ZSCAN20: variants seen among roughly 807,000 people sequenced by gnomAD.
The protein encoded by ZSCAN20 is zinc finger and SCAN domain-containing protein 20.
Under a neutral mutation model 97.1 loss-of-function variants are expected in ZSCAN20, and 39 were observed. That is an observed-to-expected ratio of 0.40 (90% CI 0.31 to 0.52). The LOEUF (loss-of-function observed/expected upper bound fraction) is 0.52. ZSCAN20 is among the 20% of genes least tolerant of loss of function. ZSCAN20 has a pLI of 0.49. For synonymous variants in ZSCAN20, 456 were observed against 467.3 expected (o/e 0.98, Z 0.31); for missense variants, 1,115 against 1,290.4 (o/e 0.86, Z 2.08).
intron 1 of ZSCAN20, among the ~76,000 whole-genome samples, chr1:33,477,073 C>T (rs1209223712): frequency 2.6e-5 from 4 of 152,020 alleles, no homozygotes; most frequent in Admixed American, 2.6e-4. Flanking sequence ...TAGGATAATA[C>T]CTATATTAGA....
At chr1:33,476,294 G>T (rs367544707) in intron 1 of ZSCAN20, among the ~76,000 whole-genome samples, 1 of 152,194 alleles carries the variant, frequency 6.6e-6, no homozygotes, top group East Asian at 1.9e-4. Context: ...TCCATACTTC[G>T]GTCTAACTTC....
In ZSCAN20 at chr1:33,491,130, G is replaced by A. The variant is rs759942102; in HGVS notation, c.872G>A (p.Ser291Asn). Residue 291 changes from serine to asparagine, a missense_variant, in exon 6 of 8, where the codon AGC becomes AAC. Coordinates refer to ENST00000684572, the MANE Select transcript of ZSCAN20 (RefSeq NM_001377376.1). This position sits in a 1 kb window ranked among gnomAD's most constrained non-coding sequence, Gnocchi z 4.3. The stretch of plus-strand genomic sequence containing the variant: ...GGGAAAAGGAGCACTGCAGATTACA[G>A]CCTGGATAATGAGCCAGCTCAGGCA... ...NSGKRSTADYSLDNEPAQALT... is the reference protein window; with the variant it reads ...NSGKRSTADYNLDNEPAQALT... 1 of 1,614,112 alleles carries A rather than the reference G, an allele frequency of 6.2e-7. No individual in the cohort carries two copies. The highest frequency in any genetic ancestry group is 8.5e-7 in the Non-Finnish European group (1 of 1,180,026).
rs1462046316 is a variant in ZSCAN20 at position 33,500,656 on chromosome 1, A to G, written c.*5180A>G. On this transcript the variant is annotated 3_prime_UTR_variant, in exon 8 of 8. Transcript: ENST00000684572. The stretch of plus-strand genomic sequence containing the variant: ...CTGCTATTACATGATACTTATTTCT[A>G]AAGTCACTTTTTTTTTTTTTTTTAC... 7.6e-6 allele frequency among the ~76,000 whole-genome samples: 1 copy of G among 131,186 alleles called. No homozygotes were observed. Among genetic ancestry groups the G allele is most frequent in the East Asian group, 2.0e-4 (1 of 4,910 alleles). 86.1% of individuals were successfully genotyped at this position (131,186 alleles called of 152,430 possible).
In ZSCAN20 at chr1:33,479,273, G is replaced by C. The variant is rs1652046717; in HGVS notation, c.-16G>C. On this transcript the variant is annotated 5_prime_UTR_variant, in exon 2 of 8. Coordinates refer to ENST00000684572, the MANE Select transcript of ZSCAN20 (RefSeq NM_001377376.1). ...ATGAGGTCAGCATAGCTGAAGTGAG[G>C]TGTCTGGGTTAGACAATGGCTATGG... is the stretch of plus-strand genomic sequence containing the variant. 1.9e-6 allele frequency: 3 copies of C among 1,579,436 alleles called. No homozygotes were observed. The highest frequency in any genetic ancestry group is 2.7e-5 in the African/African-American group (2 of 74,274).
At position 33,494,819 on chromosome 1, in the gene ZSCAN20, T is replaced by G; in HGVS notation, c.2475T>G (p.Ser825Arg). The change falls in exon 8 of 8, where the codon AGT becomes AGG. Residue 825 changes from serine to arginine, a missense_variant. Physicochemically the swap from Ser to Arg is moderately radical, Grantham distance 110. Transcript: ENST00000684572. ...TGGGAGGAAATCCTGACCAGTGTAG[T>G]GAGCCTGGGGGAAACTTTGCCCAAA... ...IHLGGNPDQC[S>R]EPGGNFAQSP... 3.1e-6 allele frequency: 5 copies of G among 1,614,150 alleles called. No individual in the cohort carries two copies. The highest frequency in any genetic ancestry group is 4.2e-6 in the Non-Finnish European group (5 of 1,180,032).
chr1:33,477,904 G>C (rs1230621197), intron 1 of ZSCAN20, among the ~76,000 whole-genome samples: 1 of 151,858 alleles, frequency 6.6e-6, no homozygotes, highest in Non-Finnish European at 1.5e-5. Context: ...CTTGTTTCAG[G>C]GTGCAGGGAA....
At chr1:33,476,676 C>T (rs1039027595) in intron 1 of ZSCAN20, among the ~76,000 whole-genome samples, 3 of 152,066 alleles carry the variant, frequency 2.0e-5, no homozygotes, top group Admixed American at 6.5e-5. Context: ...GAGAGGGTGA[C>T]AGAAATGTGT....
chr1:33,494,236 A>C lies in ZSCAN20; in HGVS notation c.1892A>C (p.Glu631Ala), dbSNP rs1418702491. 1.9e-6 allele frequency: 3 copies of C among 1,575,216 alleles called. No homozygotes were observed. The highest frequency in any genetic ancestry group is 2.6e-6 in the Non-Finnish European group (3 of 1,161,988). The change falls in exon 8 of 8, where the codon GAG (glutamate) becomes GCG (alanine). Residue 631 changes from glutamate to alanine, a missense_variant. Around this residue, in one of 3 missense-constraint regions of ZSCAN20, gnomAD observed 554 missense variants for 584.9 expected, o/e 0.95. Transcript: ENST00000684572. ...TTTTCAGGTTTTGAAATGAGGCATGAGGATGAAGACCAGATTTCAGAGCAG... is the reference window on the plus strand; with the variant it reads ...TTTTCAGGTTTTGAAATGAGGCATGCGGATGAAGACCAGATTTCAGAGCAG... ...APDMGFEMRH[E>A]DEDQISEQDI... is the part of the protein sequence containing the mutation.
At chr1:33,487,315 A>C (rs543660455) in intron 2 of ZSCAN20, among the ~76,000 whole-genome samples, 1 of 152,316 alleles carries the variant, frequency 6.6e-6, no homozygotes, top group African/African-American at 2.4e-5. Flanking sequence ...TGTTTCTATA[A>C]AGTATTGAGA....
At position 33,495,462 on chromosome 1, in the gene ZSCAN20, G is replaced by A. The variant is rs1652825507; in HGVS notation, c.3118G>A (p.Gly1040Arg). Reference sequence around the variant, plus strand: ...TGCTCACCGGAGAACCCATGCAGGAGGGAAGGCGTCGTAGGGGACAGTTTC... The same window carrying A: ...TGCTCACCGGAGAACCCATGCAGGAAGGAAGGCGTCGTAGGGGACAGTTTC... ...FSAHRRTHAG[G>R]KAS is the part of the protein sequence containing the mutation. Residue 1040 changes from glycine (G) to arginine (R), a missense_variant, in exon 8 of 8, where the codon GGG (glycine) becomes AGG (arginine). This residue lies in a region of ZSCAN20 where 554 missense variants were observed against 584.9 expected (regional missense o/e 0.95). Transcript: ENST00000684572. The A allele has an allele frequency of 6.5e-7, 1 of 1,529,466 alleles. No individual in the cohort carries two copies. Among genetic ancestry groups the A allele is most frequent in the Non-Finnish European group, 8.8e-7 (1 of 1,137,818 alleles). The allele number at this position is 1,529,466 out of a possible 1,614,324, so 94.7% of individuals were successfully genotyped here.
rs762606449 is a variant in ZSCAN20 at position 33,498,986 on chromosome 1, C to T, written c.*3510C>T. Among the ~76,000 whole-genome samples, 3 of 152,220 alleles carry T rather than the reference C, an allele frequency of 2.0e-5. No individual in the cohort carries two copies. The highest frequency in any genetic ancestry group is 2.9e-5 in the Non-Finnish European group (2 of 68,034). On this transcript the variant is annotated 3_prime_UTR_variant, in exon 8 of 8. Transcript: ENST00000684572. ...CAGCTGAACTCATGGTCATGGCTGCCTTGGCCTTATTGTCCACTGTAGCCT... is the reference window on the plus strand; with the variant it reads ...CAGCTGAACTCATGGTCATGGCTGCTTTGGCCTTATTGTCCACTGTAGCCT...
At position 33,491,435 on chromosome 1, in the gene ZSCAN20, A is replaced by G. The variant is rs1652605160; in HGVS notation, c.1177A>G (p.Ser393Gly). 3 of 1,614,092 alleles carry G rather than the reference A, an allele frequency of 1.9e-6. No homozygotes were observed. Among genetic ancestry groups the G allele is most frequent in the Non-Finnish European group, 2.5e-6 (3 of 1,180,024 alleles). ...LLRNYRKAKSSHPPGTCPFYE... is the reference protein window; with the variant it reads ...LLRNYRKAKSGHPPGTCPFYE... Reference sequence around the variant, plus strand: ...ACGGAATTACCGGAAAGCCAAGAGCAGCCACCCACCAGGTACCTGCCCCTT... The same window carrying G: ...ACGGAATTACCGGAAAGCCAAGAGCGGCCACCCACCAGGTACCTGCCCCTT... Residue 393 changes from serine to glycine, a missense_variant, in exon 6 of 8, where the codon AGC (serine) becomes GGC (glycine). Coordinates refer to ENST00000684572, the MANE Select transcript of ZSCAN20 (RefSeq NM_001377376.1). The surrounding 1 kb of genome is among the most constrained non-coding windows in gnomAD (Gnocchi z 4.3).
intron 2 of ZSCAN20, among the ~76,000 whole-genome samples, chr1:33,483,434 T>C (rs1324921413): frequency 1.3e-5 from 2 of 152,166 alleles, no homozygotes; most frequent in African/African-American, 4.8e-5. Context: ...CCACACTGTC[T>C]TGATTACTAT....
intron 1 of ZSCAN20, among the ~76,000 whole-genome samples, chr1:33,478,592 C>G (rs1369529007): frequency 1.3e-5 from 2 of 151,940 alleles, no homozygotes; most frequent in Non-Finnish European, 2.9e-5. Context: ...TTTTAGGAGT[C>G]ATGTATAGGG....
intron 2 of ZSCAN20, among the ~76,000 whole-genome samples, chr1:33,482,656 T>C (rs746504174): frequency 6.6e-6 from 1 of 152,262 alleles, no homozygotes; most frequent in Non-Finnish European, 1.5e-5. Flanking sequence ...CAAACTGTCA[T>C]CCAAAGTGGC....
rs1652751234 is a variant in ZSCAN20, at chr1:33,494,337, G to A, written c.1993G>A (p.Glu665Lys). ...TGTTTGCCAACCTCTTGACTGGGGA[G>A]AAGACAGTGAAAATGAAAATGAAGA... Reference protein sequence around the residue: ...EAVCQPLDWGEDSENENEDEG... With the variant: ...EAVCQPLDWGKDSENENEDEG... Residue 665 changes from glutamate (E) to lysine (K), a missense_variant, in exon 8 of 8, where the codon GAA becomes AAA. By Grantham distance (56) the Glu-to-Lys change is moderately conservative. Transcript: ENST00000684572. 1 of 1,614,186 alleles carries A rather than the reference G, an allele frequency of 6.2e-7. No homozygotes were observed. The highest frequency in any genetic ancestry group is 8.5e-7 in the Non-Finnish European group (1 of 1,180,034).
chr1:33,488,775 G>C (rs1197737996), intron 3 of ZSCAN20, 124 bp downstream of exon 3: 2 of 1,056,224 alleles, frequency 1.9e-6, no homozygotes, highest in Non-Finnish European at 2.7e-6. Context: ...CTGCAGTGTG[G>C]TGGGCACACT....
In ZSCAN20 at chr1:33,491,573, G is replaced by A. The variant is rs1459463074; in HGVS notation, c.1315G>A (p.Glu439Lys). ...CGGGTATAGTGACGCAGAGATGGAT[G>A]AGCAGGAGGAAGGGGGCTGGGATCC... ...RLGYSDAEMD[E>K]QEEGGWDPEE... Residue 439 changes from glutamate (E) to lysine (K), a missense_variant, in exon 6 of 8, where the codon GAG (glutamate) becomes AAG (lysine). Transcript: ENST00000684572. The surrounding 1 kb of genome is among the most constrained non-coding windows in gnomAD (Gnocchi z 4.3). 1 of 1,614,050 alleles carries A rather than the reference G, an allele frequency of 6.2e-7. No homozygotes were observed. Among genetic ancestry groups the A allele is most frequent in the Non-Finnish European group, 8.5e-7 (1 of 1,180,010 alleles).
In ZSCAN20 at chr1:33,498,536, A is replaced by T. The variant is rs1652953258; in HGVS notation, c.*3060A>T. ...GCTGGGCACCCAGGCGCCCTCCAGT[A>T]GGTCTGTGCTGCTCAGATAAACTGA... On this transcript the variant is annotated 3_prime_UTR_variant, in exon 8 of 8. Transcript: ENST00000684572. Among the ~76,000 whole-genome samples the T allele has an allele frequency of 6.6e-6, 1 of 152,196 alleles. No homozygotes were observed. The highest frequency in any genetic ancestry group is 2.1e-4 in the South Asian group (1 of 4,838).
Sources: allele counts gnomAD v4.1 joint callset (sites outside exome capture counted in the v4.1 genomes callset), GRCh38; gene constraint gnomAD v4.1.1; regional missense constraint gnomAD v4.1.1; non-coding constraint Gnocchi (gnomAD v3.1); transcripts MANE v1.5; gene names NCBI Gene and HGNC (gene_info 2026-07-23, HGNC 2026-07-21).